Variants in ZNF221 observed in about 807,000 individuals in gnomAD.
ZNF221 encodes zinc finger protein 221.
Under a neutral mutation model 12.6 loss-of-function variants are expected in ZNF221, and 10 were observed. That is an observed-to-expected ratio of 0.79 (90% CI 0.49 to 1.34). The LOEUF (loss-of-function observed/expected upper bound fraction) is 1.34, where lower values mean the gene tolerates loss of function less well. ZNF221 is among the 40% of genes most tolerant of loss of function. The pLI is 0.00. For missense variants in ZNF221, 661 were observed against 721.4 expected, an observed-to-expected ratio of 0.92 and a Z score of 0.96; for synonymous variants, 232 against 244.0, an observed-to-expected ratio of 0.95 and a Z score of 0.46.
the ZNF221 span, among the ~76,000 whole-genome samples, chr19:43,976,490 T>C: frequency 6.6e-6 from 1 of 152,116 alleles, no homozygotes; most frequent in Non-Finnish European, 1.5e-5. Flanking sequence ...TGAGCTGAGA[T>C]TGTGCCACTG....
chr19:43,953,808 G>A (rs567398202), intron 1 of ZNF221, among the ~76,000 whole-genome samples: 8 of 152,088 alleles, frequency 5.3e-5, no homozygotes, highest in Admixed American at 2.0e-4. Context: ...TCAGCCAGGC[G>A]TGGTGGCTCA....
the ZNF221 span, among the ~76,000 whole-genome samples, chr19:43,973,758 A>C: frequency 1.3e-5 from 2 of 152,216 alleles, no homozygotes; most frequent in Admixed American, 6.5e-5. Context: ...GAGAGGACAC[A>C]AATGGAAAAA....
At chr19:43,954,379 C>A (rs1029669290) in intron 1 of ZNF221, among the ~76,000 whole-genome samples, 10 of 152,120 alleles carry the variant, frequency 6.6e-5, no homozygotes, top group African/African-American at 2.4e-4. Flanking sequence ...CCTCAGCTAC[C>A]GTTTCTCCTT....
intron 1 of ZNF221, among the ~76,000 whole-genome samples, chr19:43,957,131 G>A (rs1348635026): frequency 2.0e-5 from 3 of 152,102 alleles, no homozygotes; most frequent in Non-Finnish European, 4.4e-5. Context: ...TATACTTCCA[G>A]TTAGGTTACA....
chr19:43,973,875 T>C, the ZNF221 span, among the ~76,000 whole-genome samples: 4 of 152,072 alleles, frequency 2.6e-5, no homozygotes, highest in Non-Finnish European at 4.4e-5. Context: ...TTGACATTCT[T>C]CACAGAATTA....
intron 1 of ZNF221, among the ~76,000 whole-genome samples, chr19:43,961,336 A>T (rs984359470): frequency 6.6e-6 from 1 of 152,126 alleles, no homozygotes; most frequent in African/African-American, 2.4e-5. Flanking sequence ...CTGGGAACAA[A>T]CTTATAATGA....
At chr19:43,970,588 G>C (rs1009781614), downstream of ZNF221, among the ~76,000 whole-genome samples, 1 of 152,172 alleles carries the variant, frequency 6.6e-6, no homozygotes, top group African/African-American at 2.4e-5. Flanking sequence ...TGATGGAGCT[G>C]AAAAACACAA....
intron 1 of ZNF221, among the ~76,000 whole-genome samples, chr19:43,957,980 A>G (rs1471409326): frequency 6.6e-6 from 1 of 152,234 alleles, no homozygotes; most frequent in Non-Finnish European, 1.5e-5. Context: ...GTAAGTTTAC[A>G]TATCTGGAAG....
chr19:43,979,139 C>T, the ZNF221 span, among the ~76,000 whole-genome samples: 1 of 151,802 alleles, frequency 6.6e-6, no homozygotes, highest in African/African-American at 2.4e-5. Context: ...AAGGATGGTT[C>T]AGCATATCTA....
intron 2 of ZNF221, among the ~76,000 whole-genome samples, chr19:43,963,289 C>T (rs16976927): frequency 0.02 from 3,061 of 152,270 alleles, 118 homozygotes; most frequent in African/African-American, 0.07. Context: ...TTTTAAGCAA[C>T]ACTGCTGTGA....
At chr19:43,970,054 A>T (rs1975063891), downstream of ZNF221, among the ~76,000 whole-genome samples, 1 of 152,162 alleles carries the variant, frequency 6.6e-6, no homozygotes, top group African/African-American at 2.4e-5. Flanking sequence ...AGTTTCCAAA[A>T]GAAGGAGAAG....
chr19:43,963,329 C>T (rs112590975), intron 2 of ZNF221, among the ~76,000 whole-genome samples: 1 of 152,008 alleles, frequency 6.6e-6, no homozygotes, highest in East Asian at 1.9e-4. Context: ...CCCTTCCCCC[C>T]AAAATTAATT....
chr19:43,971,704 G>T (rs1040513197), downstream of ZNF221, among the ~76,000 whole-genome samples: 4 of 151,166 alleles, frequency 2.6e-5, no homozygotes, highest in Non-Finnish European at 5.9e-5. Context: ...TCAACAAGAA[G>T]AGCTAACTAT....
At chr19:43,956,101 G>A (rs115601483) in intron 1 of ZNF221, among the ~76,000 whole-genome samples, 1 of 152,290 alleles carries the variant, frequency 6.6e-6, no homozygotes, top group African/African-American at 2.4e-5. Flanking sequence ...CAAAGTCTCA[G>A]TAATTGTCAC....
chr19:43,967,461 C>A lies in ZNF221; in HGVS notation c.*105C>A. 2 of 861,698 alleles carry A rather than the reference C, an allele frequency of 2.3e-6. No individual in the cohort carries two copies. Among genetic ancestry groups the A allele is most frequent in the Non-Finnish European group, 1.8e-6 (1 of 549,050 alleles). 53.4% of individuals were successfully genotyped at this position (861,698 alleles called of 1,614,324 possible). A position where few individuals can be genotyped will look rare whatever the true frequency, so the allele number is the denominator to read the frequency against. On this transcript the variant is annotated 3_prime_UTR_variant, in exon 5 of 5. Coordinates refer to ENST00000587682, the MANE Select transcript of ZNF221 (RefSeq NM_001297588.2). ...TCAAATATGAGAACTGTGGGAAGAG[C>A]TTTGTACATAGATCATATCTTTTTT...
chr19:43,963,648 ATAT>A (rs1974888595), intron 2 of ZNF221, among the ~76,000 whole-genome samples: 1 of 152,204 alleles, frequency 6.6e-6, no homozygotes, highest in Non-Finnish European at 1.5e-5. Flanking sequence ...TTGTGTTACT[ATAT>A]TTACTCAGAG....
downstream of ZNF221, among the ~76,000 whole-genome samples, chr19:43,970,804 A>G (rs879795185): frequency 1.3e-5 from 2 of 152,238 alleles, no homozygotes; most frequent in Non-Finnish European, 1.5e-5. Context: ...CGGAACCTGA[A>G]ACAGATGGGG....
At chr19:43,964,827 T>G in intron 2 of ZNF221, 123 bp from the exon 3 acceptor site, 1 of 1,300,090 alleles carries the variant, frequency 7.7e-7, no homozygotes, top group Non-Finnish European at 1.1e-6. Flanking sequence ...ATCTGTATGT[T>G]GACCTACATC....
the ZNF221 span, among the ~76,000 whole-genome samples, chr19:43,976,485 T>A: frequency 6.6e-6 from 1 of 152,064 alleles, no homozygotes; most frequent in African/African-American, 2.4e-5. Context: ...TGCAGTGAGC[T>A]GAGATTGTGC....
Sources: allele counts gnomAD v4.1 joint callset (sites outside exome capture counted in the v4.1 genomes callset), GRCh38; gene constraint gnomAD v4.1.1; transcripts MANE v1.5; gene names NCBI Gene and HGNC (gene_info 2026-07-23, HGNC 2026-07-21).